CSMD3: variants seen among roughly 807,000 people sequenced by gnomAD.
The protein encoded by CSMD3 is CUB and sushi domain-containing protein 3.
A neutral mutation model predicts 435.2 loss-of-function variants in CSMD3; 177 were observed. The ratio of observed to expected loss-of-function variants is 0.41; its 90% CI spans 0.36 to 0.46. The LOEUF (loss-of-function observed/expected upper bound fraction) is 0.46. Ranked by LOEUF, CSMD3 falls within the 20% of genes least tolerant of loss-of-function variation. The pLI, the probability that CSMD3 is intolerant of heterozygous loss-of-function variation, is 0.34. For synonymous variants in CSMD3, 1,656 were observed against 1,520.5 expected, an observed-to-expected ratio of 1.09 and a Z score of -2.07; for missense variants, 4,265 against 4,504.6, an observed-to-expected ratio of 0.95 and a Z score of 1.52.
At chr8:112,912,061 AT>A (rs1159400204) in intron 10 of CSMD3, among the ~76,000 whole-genome samples, 2 of 148,432 alleles carry the variant, frequency 1.3e-5, no homozygotes, top group Admixed American at 6.8e-5. Flanking sequence ...CAATTATTTG[AT>A]TTTTTTAAGA....
At chr8:112,954,317 A>G (rs76997190) in intron 8 of CSMD3, among the ~76,000 whole-genome samples, 1 of 151,694 alleles carries the variant, frequency 6.6e-6, no homozygotes, top group Non-Finnish European at 1.5e-5. Flanking sequence ...TGAAATTAAG[A>G]TATAGTCAAT....
intron 38 of CSMD3, among the ~76,000 whole-genome samples, chr8:112,354,476 G>T (rs1279815268): frequency 6.6e-6 from 1 of 152,112 alleles, no homozygotes; most frequent in Non-Finnish European, 1.5e-5. Flanking sequence ...AAGGCTCATA[G>T]AACTGATAAA....
In CSMD3 at chr8:113,383,638, A is replaced by G. The variant is rs982412804; in HGVS notation, c.178+53039T>C. The stretch of plus-strand genomic sequence containing the variant: ...TTCAGTGCCTGCAGATCATCCAGGT[A>G]GTAATATGCACTAAGTAGTGATTTT... On this transcript the variant is annotated intron_variant, in intron 1 of 70. Coordinates refer to ENST00000297405, the MANE Select transcript of CSMD3 (RefSeq NM_198123.2). Among the ~76,000 whole-genome samples the G allele has an allele frequency of 9.8e-5, 15 of 152,318 alleles. No homozygotes were observed. In the East Asian group the frequency reaches 2.1e-3, roughly 22 times the overall value.
intron 66 of CSMD3, among the ~76,000 whole-genome samples, chr8:112,238,034 T>C (rs1339902472): frequency 6.6e-6 from 1 of 152,064 alleles, no homozygotes; most frequent in African/African-American, 2.4e-5. Context: ...AAAAACACTA[T>C]TTTAGATACT....
At chr8:112,275,324 G>A (rs1167260098) in intron 59 of CSMD3, among the ~76,000 whole-genome samples, 7 of 152,104 alleles carry the variant, frequency 4.6e-5, no homozygotes, top group Admixed American at 1.3e-4. Flanking sequence ...GAGGCAGACG[G>A]ATCACCTGAT....
Position 112,263,675 on chromosome 8 carries a change from T to C in CSMD3, c.9826A>G (p.Asn3276Asp). The change falls in exon 61 of 71, where the codon AAT (asparagine) becomes GAT (aspartate). Residue 3276 changes from asparagine (N) to aspartate (D), a missense_variant. Physicochemically the swap from Asn to Asp is conservative, Grantham distance 23. Coordinates refer to ENST00000297405, the MANE Select transcript of CSMD3 (RefSeq NM_198123.2). ...SFPAVLTCVG[N>D]GTWSGEVPQC... ...GGTACTTCACCACTCCAGGTACCAT[T>C]CCCTACACAGGTCAAAACAGCAGGG... The C allele has an allele frequency of 6.2e-7, 1 of 1,613,692 alleles. No homozygotes were observed. The highest frequency in any genetic ancestry group is 8.5e-7 in the Non-Finnish European group (1 of 1,179,752).
intron 6 of CSMD3, among the ~76,000 whole-genome samples, chr8:113,006,999 C>T (rs2086082741): frequency 6.6e-6 from 1 of 151,840 alleles, no homozygotes. Context: ...CACCCTACCT[C>T]AGCTAGATCC....
chr8:112,786,055 G>T (rs1167947238), intron 13 of CSMD3, among the ~76,000 whole-genome samples: 3 of 152,052 alleles, frequency 2.0e-5, no homozygotes, highest in African/African-American at 7.2e-5. Flanking sequence ...AACCAAAACA[G>T]CATGGTAGTG....
chr8:112,288,498 G>A (rs1374966858), intron 57 of CSMD3, among the ~76,000 whole-genome samples: 1 of 151,976 alleles, frequency 6.6e-6, no homozygotes, highest in Non-Finnish European at 1.5e-5. Context: ...CCATTTCACT[G>A]CTTTTAACTC....
intron 32 of CSMD3, among the ~76,000 whole-genome samples, chr8:112,450,046 T>C (rs1816088772): frequency 6.6e-6 from 1 of 152,188 alleles, no homozygotes; most frequent in Non-Finnish European, 1.5e-5. Flanking sequence ...TACACAGTAA[T>C]AAAACTGATC....
At chr8:112,792,719 T>C (rs1427572017) in intron 13 of CSMD3, among the ~76,000 whole-genome samples, 1 of 152,206 alleles carries the variant, frequency 6.6e-6, no homozygotes, top group Non-Finnish European at 1.5e-5. Flanking sequence ...TTGATTATTG[T>C]ATATTGCATG....
Position 113,419,348 on chromosome 8 carries a change from C to T in CSMD3, c.178+17329G>A, listed in dbSNP as rs370160090. 2.0e-4 allele frequency among the ~76,000 whole-genome samples: 31 copies of T among 152,106 alleles called. 1 individual carries two copies. Among genetic ancestry groups the T allele is most frequent in the African/African-American group, 7.2e-4 (30 of 41,528 alleles). Reference sequence around the variant, plus strand: ...GGCCAAGCTGGTCTCAAACTCCTGGCCTCAGGTAATCTACCTGCCTTGGCC... The same window carrying T: ...GGCCAAGCTGGTCTCAAACTCCTGGTCTCAGGTAATCTACCTGCCTTGGCC... On this transcript the variant is annotated intron_variant, in intron 1 of 70. Coordinates refer to ENST00000297405, the MANE Select transcript of CSMD3 (RefSeq NM_198123.2).
chr8:113,062,493 G>A lies in CSMD3; in HGVS notation c.917+36263C>T, dbSNP rs568843992. On this transcript the variant is annotated intron_variant, in intron 5 of 70. Coordinates refer to ENST00000297405, the MANE Select transcript of CSMD3 (RefSeq NM_198123.2). ...ATGAAAAGCACCTTGTATTTTGTCTGATTATTTCCACAACTGAAATTGTTG... is the reference window on the plus strand; with the variant it reads ...ATGAAAAGCACCTTGTATTTTGTCTAATTATTTCCACAACTGAAATTGTTG... 2.0e-4 allele frequency among the ~76,000 whole-genome samples: 31 copies of A among 151,936 alleles called. No homozygotes were observed. In the South Asian group the frequency reaches 5.0e-3, roughly 24 times the overall value.
intron 5 of CSMD3, among the ~76,000 whole-genome samples, chr8:113,043,505 A>G (rs900729208): frequency 2.6e-4 from 40 of 152,280 alleles, no homozygotes; most frequent in African/African-American, 8.7e-4. Flanking sequence ...TGATCAAAAC[A>G]TTTTTTACAA....
intron 10 of CSMD3, among the ~76,000 whole-genome samples, chr8:112,909,391 G>A (rs1473861166): frequency 1.3e-5 from 2 of 151,474 alleles, no homozygotes; most frequent in African/African-American, 4.8e-5. Context: ...TAACAGAAGT[G>A]TAAAATTTTA....
intron 13 of CSMD3, among the ~76,000 whole-genome samples, chr8:112,797,838 A>G (rs557120017): frequency 6.6e-6 from 1 of 151,838 alleles, no homozygotes; most frequent in African/African-American, 2.4e-5. Context: ...TTCACAGTAC[A>G]AAAAAAATCC....
At chr8:113,153,523 T>A (rs745803657) in intron 4 of CSMD3, among the ~76,000 whole-genome samples, 1 of 152,074 alleles carries the variant, frequency 6.6e-6, no homozygotes, top group Non-Finnish European at 1.5e-5. Flanking sequence ...GATAAAAATA[T>A]GACACTTACA....
chr8:112,565,912 A>G (rs930397823), intron 24 of CSMD3, among the ~76,000 whole-genome samples: 1 of 152,196 alleles, frequency 6.6e-6, no homozygotes, highest in African/African-American at 2.4e-5. Context: ...AACAATATGA[A>G]TGATAGCAGG....
intron 17 of CSMD3, among the ~76,000 whole-genome samples, chr8:112,659,557 A>T (rs898297980): frequency 6.6e-6 from 1 of 152,188 alleles, no homozygotes. Context: ...GATAGCATGC[A>T]TTCAGGGAGC....
Sources: gnomAD v4.1 joint callset for allele counts (sites outside exome capture counted in the v4.1 genomes callset) on GRCh38, gnomAD v4.1.1 for gene constraint, MANE v1.5 for transcripts, NCBI Gene and HGNC (gene_info 2026-07-23, HGNC 2026-07-21) for gene names.